PDE10A: variants seen among roughly 807,000 people sequenced by gnomAD.
PDE10A encodes the protein phosphodiesterase 10A, also known as cAMP and cAMP-inhibited cGMP 3',5'-cyclic phosphodiesterase 10A.
In PDE10A, 39 loss-of-function variants were observed where a neutral mutation model predicts 97.7. The observed-to-expected ratio is 0.40, with a 90% CI of 0.31 to 0.52. The LOEUF is 0.52. Among genes scored for constraint, PDE10A ranks in the 20% least tolerant of loss-of-function variants. The pLI, the probability that PDE10A is intolerant of heterozygous loss-of-function variation, is 0.56. For missense variants in PDE10A, 731 were observed against 1,047.8 expected, an observed-to-expected ratio of 0.70 and a Z score of 4.17; for synonymous variants, 371 against 376.8, an observed-to-expected ratio of 0.98 and a Z score of 0.18.
intron 1 of PDE10A, among the ~76,000 whole-genome samples, chr6:165,959,297 G>A (rs1323283889): frequency 1.3e-5 from 2 of 152,170 alleles, no homozygotes; most frequent in Admixed American, 1.3e-4. Context: ...GAGCTGGATA[G>A]GGTGGGGATG....
intron 1 of PDE10A, among the ~76,000 whole-genome samples, chr6:165,798,237 C>T (rs556565726): frequency 1.3e-5 from 2 of 152,258 alleles, no homozygotes; most frequent in African/African-American, 4.8e-5. Flanking sequence ...TTGTATTCTG[C>T]CTGTTTGCTT....
At chr6:165,575,522 TTA>T (rs566078717) in intron 1 of PDE10A, among the ~76,000 whole-genome samples, 7 of 152,218 alleles carry the variant, frequency 4.6e-5, no homozygotes, top group Non-Finnish European at 1.0e-4. Context: ...GCTCACTCAG[TTA>T]TTTCCCCTTT....
At chr6:165,771,661 A>G (rs1778014932) in intron 1 of PDE10A, among the ~76,000 whole-genome samples, 1 of 151,254 alleles carries the variant, frequency 6.6e-6, no homozygotes, top group Non-Finnish European at 1.5e-5. Flanking sequence ...AGATAAAAAA[A>G]AAAAAAAAAA....
intron 1 of PDE10A, among the ~76,000 whole-genome samples, chr6:165,866,800 GA>G (rs1238456303): frequency 0.026 from 3,738 of 141,784 alleles, 138 homozygotes; most frequent in African/African-American, 0.09. Context: ...AGTGCTGAAA[GA>G]AAAAAAAAAA....
At chr6:165,634,274 C>G (rs531493731) in intron 1 of PDE10A, among the ~76,000 whole-genome samples, 1 of 152,170 alleles carries the variant, frequency 6.6e-6, no homozygotes, top group Admixed American at 6.5e-5. Flanking sequence ...TGTGGAGCGT[C>G]ATGGGTTGTT....
intron 1 of PDE10A, among the ~76,000 whole-genome samples, chr6:165,749,453 A>G (rs983115607): frequency 7.9e-6 from 1 of 126,076 alleles, no homozygotes; most frequent in Non-Finnish European, 1.7e-5. Flanking sequence ...CCACCATCAC[A>G]TCACCATCAT....
chr6:165,385,335 G>GC (rs144270150), intron 17 of PDE10A, among the ~76,000 whole-genome samples: 6,335 of 152,026 alleles, frequency 0.042, 449 homozygotes, highest in African/African-American at 0.14. Context: ...CACAATTCGG[G>GC]CATACTGAAT....
At chr6:165,604,050 G>A (rs1204667642) in intron 1 of PDE10A, among the ~76,000 whole-genome samples, 11 of 152,092 alleles carry the variant, frequency 7.2e-5, no homozygotes, top group Admixed American at 5.2e-4. Context: ...GATTAGCCAA[G>A]AAAAATATAT....
chr6:165,512,540 T>C (rs546205023), intron 2 of PDE10A, among the ~76,000 whole-genome samples: 1 of 152,092 alleles, frequency 6.6e-6, no homozygotes, highest in South Asian at 2.1e-4. Context: ...CTGACAGGGG[T>C]TGCAAATAGT....
At chr6:165,804,147 A>G (rs80178954) in intron 1 of PDE10A, among the ~76,000 whole-genome samples, 2,724 of 152,310 alleles carry the variant, frequency 0.018, 31 homozygotes, top group East Asian at 0.053. Context: ...AGTGAACAAC[A>G]CATCGGTTTA....
rs752831421 is a variant in PDE10A at position 165,339,374 on chromosome 6, A to C, written c.2896-16T>G. 2 of 1,441,752 alleles carry C rather than the reference A, an allele frequency of 1.4e-6. No homozygotes were observed. Among genetic ancestry groups the C allele is most frequent in the Non-Finnish European group, 2.0e-6 (2 of 1,023,528 alleles). 89.3% of individuals were successfully genotyped at this position (1,441,752 alleles called of 1,614,324 possible). On this transcript the variant is annotated splice_polypyrimidine_tract_variant and intron_variant, in intron 19 of 21. Transcript: ENST00000539869. ...TTTCATCACCCTAAGATGAATGGGG[A>C]GAAAATCATGCTTTCTCAAATTTCA... is the stretch of plus-strand genomic sequence containing the variant.
intron 1 of PDE10A, among the ~76,000 whole-genome samples, chr6:165,942,320 G>A (rs968408000): frequency 3.3e-5 from 5 of 150,542 alleles, no homozygotes; most frequent in Admixed American, 6.6e-5. Flanking sequence ...ACATATATGC[G>A]CACACACACA....
intron 3 of PDE10A, among the ~76,000 whole-genome samples, chr6:165,477,733 AAT>A (rs1779375428): frequency 6.6e-6 from 1 of 152,210 alleles, no homozygotes; most frequent in Admixed American, 6.5e-5. Flanking sequence ...AGAAATAAAT[AAT>A]ATGTTAGATA....
At chr6:165,426,849 G>A (rs1473829317) in intron 10 of PDE10A, among the ~76,000 whole-genome samples, 1 of 152,050 alleles carries the variant, frequency 6.6e-6, no homozygotes, top group Non-Finnish European at 1.5e-5. Context: ...CAATATACAT[G>A]CAGCCAATAA....
chr6:165,985,783 G>A (rs1785177023), intron 1 of PDE10A, among the ~76,000 whole-genome samples: 1 of 152,158 alleles, frequency 6.6e-6, no homozygotes, highest in Non-Finnish European at 1.5e-5. Flanking sequence ...AGGCAGGCAT[G>A]AGGGAAAACA....
At chr6:165,342,542 T>A (rs1173160984) in intron 19 of PDE10A, among the ~76,000 whole-genome samples, 1 of 152,252 alleles carries the variant, frequency 6.6e-6, no homozygotes, top group Non-Finnish European at 1.5e-5. Context: ...TGATAAACCT[T>A]TCCCACTAAA....
chr6:165,640,708 A>G (rs999126698), intron 1 of PDE10A, among the ~76,000 whole-genome samples: 1 of 152,392 alleles, frequency 6.6e-6, no homozygotes, highest in African/African-American at 2.4e-5. Flanking sequence ...TGATAAACTA[A>G]GCGATGTTGT....
intron 1 of PDE10A, among the ~76,000 whole-genome samples, chr6:165,891,662 G>T (rs1781803085): frequency 2.0e-5 from 3 of 152,112 alleles, no homozygotes. Flanking sequence ...CTAGAATGAG[G>T]GATCTTGGTG....
intron 1 of PDE10A, among the ~76,000 whole-genome samples, chr6:165,725,437 G>T (rs1238586091): frequency 6.6e-6 from 1 of 152,222 alleles, no homozygotes; most frequent in Admixed American, 6.5e-5. Flanking sequence ...CTGCCCGTCT[G>T]CATGCTCCCC....
Sources: allele counts gnomAD v4.1 joint callset (sites outside exome capture counted in the v4.1 genomes callset), GRCh38; gene constraint gnomAD v4.1.1; transcripts MANE v1.5; gene names NCBI Gene and HGNC (gene_info 2026-07-23, HGNC 2026-07-21).